Variants in C19orf67 observed in about 807,000 individuals in gnomAD.
C19orf67 encodes chromosome 19 open reading frame 67.
C19orf67 carries 28 observed loss-of-function variants against 41.4 expected under a neutral mutation model. The observed-to-expected ratio is 0.68, with a 90% CI of 0.50 to 0.93. The LOEUF is 0.93. Among genes scored for constraint, C19orf67 ranks in the 40% least tolerant of loss-of-function variants. C19orf67 has a pLI of 0.00. For missense variants in C19orf67, 421 were observed against 467.0 expected (o/e 0.90, Z 0.91); for synonymous variants, 242 against 203.4 (o/e 1.19, Z -1.62).
chr19:14,082,197 A>AAG (rs1976778285), intron 5 of C19orf67, among the ~76,000 whole-genome samples, 189 bp from the exon 6 acceptor site: 3 of 152,136 alleles, frequency 2.0e-5, no homozygotes, highest in Admixed American at 2.0e-4. Flanking sequence ...AGGCTGAATA[A>AAG]CTGGTCCTGA....
rs1417523264 is a variant in C19orf67, at chr19:14,081,863, G to A, written c.1048C>T (p.Pro350Ser). Residue 350 changes from proline (P) to serine (S), a missense_variant, in exon 6 of 6, where the codon CCT (proline) becomes TCT (serine). By Grantham distance (74) the Pro-to-Ser change is moderately conservative (BLOSUM62 -1). Around this residue, in one of 3 missense-constraint regions of C19orf67, gnomAD observed 253 missense variants for 307.0 expected, o/e 0.82. Coordinates refer to ENST00000548523, the MANE Select transcript of C19orf67 (RefSeq NM_001277378.2). ...GQARPPSAAG[P>S]AGWAAQGS The stretch of plus-strand genomic sequence containing the variant: ...GACCCCTGCGCTGCCCACCCCGCAG[G>A]CCCGGCTGCGCTCGGAGGCCGGGCC... 1.3e-6 allele frequency: 2 copies of A among 1,533,254 alleles called. No individual in the cohort carries two copies. Among genetic ancestry groups the A allele is most frequent in the South Asian group, 2.4e-5 (2 of 83,896 alleles). 95.0% of individuals were successfully genotyped at this position (1,533,254 alleles called of 1,614,324 possible).
intron 1 of C19orf67, among the ~76,000 whole-genome samples, 179 bp downstream of exon 1, chr19:14,085,114 C>T (rs1976832236): frequency 6.6e-6 from 1 of 152,182 alleles, no homozygotes; most frequent in Non-Finnish European, 1.5e-5. Context: ...ATCCCCTACC[C>T]GCAATTCTAC....
At position 14,085,668 on chromosome 19, in the gene C19orf67, C is replaced by CG; in HGVS notation, c.-42dup. The CG allele has an allele frequency of 1.4e-6, 2 of 1,430,248 alleles. No individual in the cohort carries two copies. Among genetic ancestry groups the CG allele is most frequent in the South Asian group, 1.2e-5 (1 of 81,636 alleles). The allele number at this position is 1,430,248 out of a possible 1,614,324, so 88.6% of individuals were successfully genotyped here. On this transcript the variant is annotated 5_prime_UTR_variant, in exon 1 of 6. Coordinates refer to ENST00000548523, the MANE Select transcript of C19orf67 (RefSeq NM_001277378.2). The stretch of plus-strand genomic sequence containing the variant: ...CGGGAACCTGAGCTCTTTAAGCTTC[C>CG]GCTGCTGCTCAGGTTGGCCGCGGGT...
In C19orf67 at chr19:14,081,861, A is replaced by C. The variant is rs1976772501; in HGVS notation, c.1050T>G (p.Pro350=). 6.5e-7 allele frequency: 1 copy of C among 1,532,864 alleles called. No individual in the cohort carries two copies. The highest frequency in any genetic ancestry group is 8.7e-7 in the Non-Finnish European group (1 of 1,145,270). The allele number at this position is 1,532,864 out of a possible 1,614,324, so 95.0% of individuals were successfully genotyped here. ...GQARPPSAAG[P]AGWAAQGS Reference sequence around the variant, plus strand: ...AAGACCCCTGCGCTGCCCACCCCGCAGGCCCGGCTGCGCTCGGAGGCCGGG... The same window carrying C: ...AAGACCCCTGCGCTGCCCACCCCGCCGGCCCGGCTGCGCTCGGAGGCCGGG... Residue 350 remains proline (P), a synonymous_variant, in exon 6 of 6, where the codon CCT becomes CCG. Transcript: ENST00000548523.
At position 14,083,574 on chromosome 19, in the gene C19orf67, C is replaced by T. The variant is rs942038443; in HGVS notation, c.512G>A (p.Arg171His). The change falls in exon 3 of 6, where the codon CGC becomes CAC. Residue 171 changes from arginine to histidine, a missense_variant. Arg to His is a conservative substitution (Grantham distance 29). This residue lies in a region of C19orf67 where 253 missense variants were observed against 307.0 expected (regional missense o/e 0.82). Transcript: ENST00000548523. ...GTACATGAGGACCAGCTGTTCCAGG[C>T]GCAGGGTCAGCTGTTGGGAGATCTC... ...LLEISQQLTL[R>H]LEQLVLMYAS... 7 of 1,535,910 alleles carry T rather than the reference C, an allele frequency of 4.6e-6. No homozygotes were observed. The highest frequency in any genetic ancestry group is 2.7e-5 in the African/African-American group (2 of 72,986).
chr19:14,085,193 A>C, intron 1 of C19orf67, 100 bp downstream of exon 1: 20 of 836,722 alleles, frequency 2.4e-5, no homozygotes, highest in Non-Finnish European at 2.9e-5. Context: ...TCTGGCTCCT[A>C]GCGCTTGTAA....
rs1448960514 is a variant in C19orf67 at position 14,081,903 on chromosome 19, C to T, written c.1008G>A (p.Thr336=). ...LATDLLVQIL[T]GQAGQARPPS... ...GAGGCCGGGCCTGGCCTGCCTGGCC[C>T]GTGAGGATCTGCACCAGCAGGTCGG... Residue 336 remains threonine, a synonymous_variant, in exon 6 of 6, where the codon ACG becomes ACA. Transcript: ENST00000548523. 1.3e-6 allele frequency: 2 copies of T among 1,534,268 alleles called. No homozygotes were observed. Among genetic ancestry groups the T allele is most frequent in the Non-Finnish European group, 1.7e-6 (2 of 1,145,896 alleles).
At position 14,082,480 on chromosome 19, in the gene C19orf67, G is replaced by A. The variant is rs1464081335; in HGVS notation, c.891C>T (p.Asp297=). Residue 297 remains aspartate (D), a synonymous_variant, in exon 5 of 6, where the codon GAC becomes GAT. Transcript: ENST00000548523. Reference sequence around the variant, plus strand: ...GCCCTAGCTCCTACCATGAATAAAGGTCATCCTCGGCTGGTCCTAGGGGCA... The same window carrying A: ...GCCCTAGCTCCTACCATGAATAAAGATCATCCTCGGCTGGTCCTAGGGGCA... ...RWVPLGPAED[D]LYSWILCPQP... 2 of 1,534,802 alleles carry A rather than the reference G, an allele frequency of 1.3e-6. No individual in the cohort carries two copies. The highest frequency in any genetic ancestry group is 1.7e-4 in the Middle Eastern group (1 of 5,934).
chr19:14,084,600 A>G (rs929658995), intron 1 of C19orf67, among the ~76,000 whole-genome samples: 3 of 152,166 alleles, frequency 2.0e-5, no homozygotes, highest in Non-Finnish European at 1.5e-5. Context: ...TGGGAGGCCA[A>G]GGCGGGTGGA....
At chr19:14,083,189 C>T in intron 4 of C19orf67, 48 bp downstream of exon 4, 1 of 1,471,230 alleles carries the variant, frequency 6.8e-7, no homozygotes, top group South Asian at 1.2e-5. Flanking sequence ...GTCATATTGG[C>T]ATTCATCATA....
In C19orf67 at chr19:14,083,757, G is replaced by A; in HGVS notation, c.456C>T (p.Pro152=). The A allele has an allele frequency of 6.9e-7, 1 of 1,439,198 alleles. No individual in the cohort carries two copies. Among genetic ancestry groups the A allele is most frequent in the Non-Finnish European group, 9.1e-7 (1 of 1,098,154 alleles). 89.2% of individuals were successfully genotyped at this position (1,439,198 alleles called of 1,614,324 possible). The change falls in exon 2 of 6, where the codon CCC becomes CCT. Residue 152 remains proline (P), a synonymous_variant. Coordinates refer to ENST00000548523, the MANE Select transcript of C19orf67 (RefSeq NM_001277378.2). ...AARSIPPIYG[P]LQELVRKGLL... is the part of the protein sequence containing the mutation. The stretch of plus-strand genomic sequence containing the variant: ...CCCCCTTTCGGACCAGCTCCTGCAG[G>A]GGTCCATAGATGGGGGGTATGCTTC...
At chr19:14,083,701 A>AGGGGCG in intron 2 of C19orf67, 32 bp downstream of exon 2, 1 of 1,496,568 alleles carries the variant, frequency 6.7e-7, no homozygotes, top group African/African-American at 1.4e-5. Context: ...GCGAGAAGAA[A>AGGGGCG]GGGGCGTGGG....
chr19:14,085,606 C>T lies in C19orf67; in HGVS notation c.22G>A (p.Glu8Lys), dbSNP rs1239513293. MATEQWFEGSLPLDPGET... is the reference protein window; with the variant it reads MATEQWFKGSLPLDPGET... ...CCAGGGTCCAGGGGGAGCGACCCCT[C>T]GAACCACTGCTCTGTAGCCATGGTA... Residue 8 changes from glutamate to lysine, a missense_variant, in exon 1 of 6, where the codon GAG becomes AAG. Around this residue, in one of 3 missense-constraint regions of C19orf67, gnomAD observed 160 missense variants for 139.2 expected, o/e 1.15. Coordinates refer to ENST00000548523, the MANE Select transcript of C19orf67 (RefSeq NM_001277378.2). The T allele has an allele frequency of 6.5e-7, 1 of 1,534,584 alleles. No individual in the cohort carries two copies. Among genetic ancestry groups the T allele is most frequent in the African/African-American group, 1.4e-5 (1 of 73,016 alleles).
At position 14,082,134 on chromosome 19, in the gene C19orf67, C is replaced by G. The variant is rs2011179747; in HGVS notation, c.903-126G>C. The stretch of plus-strand genomic sequence containing the variant: ...TGTTTCAGCTGCGGGTGGGAAAAAC[C>G]CCCGGGGGAAACTTGTTTCCTTGTT... On this transcript the variant is annotated intron_variant, in intron 5 of 5. Coordinates refer to ENST00000548523, the MANE Select transcript of C19orf67 (RefSeq NM_001277378.2). The G allele has an allele frequency of 3.5e-6, 3 of 846,536 alleles. No individual in the cohort carries two copies. The Admixed American group carries it at 9.5e-5, about 27-fold the overall frequency. The allele number at this position is 846,536 out of a possible 1,614,324, so 52.4% of individuals were successfully genotyped here.
chr19:14,082,477 A>T lies in C19orf67; in HGVS notation c.894T>A (p.Leu298=). Residue 298 remains leucine (L), a synonymous_variant, in exon 5 of 6, where the codon CTT becomes CTA. Coordinates refer to ENST00000548523, the MANE Select transcript of C19orf67 (RefSeq NM_001277378.2). The part of the protein sequence containing the change: ...WVPLGPAEDD[L]YSWILCPQPL... The stretch of plus-strand genomic sequence containing the variant: ...ATTGCCCTAGCTCCTACCATGAATA[A>T]AGGTCATCCTCGGCTGGTCCTAGGG... 1 of 1,534,478 alleles carries T rather than the reference A, an allele frequency of 6.5e-7. No individual in the cohort carries two copies. Among genetic ancestry groups the T allele is most frequent in the East Asian group, 2.4e-5 (1 of 40,852 alleles).
rs117791094 is a variant in C19orf67, at chr19:14,083,750, C to G, written c.463G>C (p.Glu155Gln). The change falls in exon 2 of 6, where the codon GAG (glutamate) becomes CAG (glutamine). Residue 155 changes from glutamate (E) to glutamine (Q), a missense_variant. By Grantham distance (29) the Glu-to-Gln change is conservative. Around this residue, in one of 3 missense-constraint regions of C19orf67, gnomAD observed 253 missense variants for 307.0 expected, o/e 0.82. Transcript: ENST00000548523. ...SIPPIYGPLQ[E>Q]LVRKGLLEIS... ...CCACACACCCCCTTTCGGACCAGCT[C>G]CTGCAGGGGTCCATAGATGGGGGGT... is the stretch of plus-strand genomic sequence containing the variant. 6.9e-7 allele frequency: 1 copy of G among 1,443,014 alleles called. No individual in the cohort carries two copies. The highest frequency in any genetic ancestry group is 2.7e-5 in the Admixed American group (1 of 37,286). 89.4% of individuals were successfully genotyped at this position (1,443,014 alleles called of 1,614,324 possible).
At chr19:14,084,406 C>A (rs1486194683) in intron 1 of C19orf67, among the ~76,000 whole-genome samples, 2 of 144,724 alleles carry the variant, frequency 1.4e-5, no homozygotes, top group Non-Finnish European at 3.0e-5. Flanking sequence ...AAAAAAAAAA[C>A]AGCCTCATGA....
Position 14,081,683 on chromosome 19 carries a change from C to G in C19orf67, c.*151G>C. 1.7e-6 allele frequency: 1 copy of G among 582,950 alleles called. No homozygotes were observed. The highest frequency in any genetic ancestry group is 2.7e-6 in the Non-Finnish European group (1 of 364,686). 36.1% of individuals were successfully genotyped at this position (582,950 alleles called of 1,614,324 possible). ...CGTGTCCGCATTCAGGGCCCCACGG[C>G]CAAGCCGGACTCGGTGCAGACAGGT... is the stretch of plus-strand genomic sequence containing the variant. On this transcript the variant is annotated 3_prime_UTR_variant, in exon 6 of 6. Coordinates refer to ENST00000548523, the MANE Select transcript of C19orf67 (RefSeq NM_001277378.2).
At chr19:14,084,757 A>C (rs1424684622) in intron 1 of C19orf67, among the ~76,000 whole-genome samples, 2 of 151,864 alleles carry the variant, frequency 1.3e-5, no homozygotes, top group African/African-American at 4.8e-5. Context: ...GAATTGCTTC[A>C]ATCCGGGAGG....
Sources: gnomAD v4.1 joint callset for allele counts (sites outside exome capture counted in the v4.1 genomes callset) on GRCh38, gnomAD v4.1.1 for gene constraint, gnomAD v4.1.1 regional missense constraint, MANE v1.5 for transcripts, NCBI Gene and HGNC (gene_info 2026-07-23, HGNC 2026-07-21) for gene names.